Variants in CHRNA4 observed in about 807,000 individuals in gnomAD.
The protein encoded by CHRNA4 is neuronal acetylcholine receptor subunit alpha-4.
Under a neutral mutation model 48.9 loss-of-function variants are expected in CHRNA4, and 28 were observed. The observed-to-expected ratio is 0.57, with a 90% CI of 0.42 to 0.79. CHRNA4 has a LOEUF of 0.79. Among genes scored for constraint, CHRNA4 ranks in the 30% least tolerant of loss-of-function variants. The pLI, the probability that CHRNA4 is intolerant of heterozygous loss-of-function variation, is 0.00. For missense variants in CHRNA4, 859 were observed against 898.4 expected, an observed-to-expected ratio of 0.96 and a Z score of 0.56; for synonymous variants, 425 against 402.3, an observed-to-expected ratio of 1.06 and a Z score of -0.68.
At chr20:63,351,186 TCCCACGCCCACATCCACA>T (rs1193993901) in intron 4 of CHRNA4, 159 bp from the exon 5 acceptor site, 2 of 475,420 alleles carry the variant, frequency 4.2e-6, no homozygotes, top group Middle Eastern at 5.9e-4. Flanking sequence ...CACATCCATG[TCCCACGCCCACATCCACA>T]CCCACGTCCA....
Position 63,351,039 on chromosome 20 carries a change from G to C in CHRNA4, c.384-12C>G. The C allele has an allele frequency of 1.2e-5, 19 of 1,609,928 alleles. No individual in the cohort carries two copies. Among genetic ancestry groups the C allele is most frequent in the Non-Finnish European group, 1.6e-5 (19 of 1,179,078 alleles). On this transcript the variant is annotated splice_polypyrimidine_tract_variant and intron_variant, in intron 4 of 5. Transcript: ENST00000370263. ...AGTCCCCGTCAGCACTGGGCAGGAA[G>C]AGAGCGAAGGGTGTGAGACCCCCAC...
chr20:63,350,187 G>T lies in CHRNA4; in HGVS notation c.1224C>A (p.Phe408Leu). 2 of 1,595,788 alleles carry T rather than the reference G, an allele frequency of 1.3e-6. No individual in the cohort carries two copies. Among genetic ancestry groups the T allele is most frequent in the Non-Finnish European group, 8.5e-7 (1 of 1,169,918 alleles). Residue 408 changes from phenylalanine (F) to leucine (L), a missense_variant, in exon 5 of 6, where the codon TTC becomes TTA. By Grantham distance (22) the Phe-to-Leu change is conservative. Transcript: ENST00000370263. The part of the protein sequence containing the change: ...TQSLHPPSPS[F>L]CVPLDVPAEP... Reference sequence around the variant, plus strand: ...CAGCCGGCACATCCAGGGGGACACAGAAGGACGGTGAGGGCGGGTGCAGGC... The same window carrying T: ...CAGCCGGCACATCCAGGGGGACACATAAGGACGGTGAGGGCGGGTGCAGGC...
intron 1 of CHRNA4, among the ~76,000 whole-genome samples, chr20:63,360,587 G>A (rs1253500085): frequency 1.1e-4 from 16 of 152,246 alleles, no homozygotes; most frequent in Non-Finnish European, 1.5e-5. Flanking sequence ...CGGGGAGGGG[G>A]AGGGGTCAGT....
intron 1 of CHRNA4, chr20:63,359,912 T>TGCC (rs1473094463): frequency 2.3e-5 from 12 of 518,942 alleles, no homozygotes; most frequent in Middle Eastern, 5.2e-4. Flanking sequence ...TGTGTGTGTG[T>TGCC]GTGTGTGTGT....
rs190225870 is a variant in CHRNA4, at chr20:63,357,632, G to A, written c.229-1217C>T. On this transcript the variant is annotated intron_variant, in intron 2 of 5. Coordinates refer to ENST00000370263, the MANE Select transcript of CHRNA4 (RefSeq NM_000744.7). The stretch of plus-strand genomic sequence containing the variant: ...TAACAAGTATCCGAGCCCGCAAAGG[G>A]GGCACAGGTGAATCCCCAGCCCCTG... 2.8e-5 allele frequency among the ~76,000 whole-genome samples: 4 copies of A among 144,572 alleles called. No individual in the cohort carries two copies. In the East Asian group the frequency reaches 8.4e-4, roughly 30 times the overall value. The allele number at this position is 144,572 out of a possible 152,430, so 94.8% of individuals were successfully genotyped here.
rs2068560302 is a variant in CHRNA4 at position 63,349,993 on chromosome 20, C to T, written c.1418G>A (p.Ser473Asn). 6.5e-7 allele frequency: 1 copy of T among 1,549,878 alleles called. No individual in the cohort carries two copies. Among genetic ancestry groups the T allele is most frequent in the Non-Finnish European group, 8.7e-7 (1 of 1,146,816 alleles). ...GCCGCCTTCCACCGCTTCGCCAGGG[C>T]TGGACATGTGCTGGACGCTGAGGGA... ...ARSLSVQHMS[S>N]PGEAVEGGVR... Residue 473 changes from serine (S) to asparagine (N), a missense_variant, in exon 5 of 6, where the codon AGC becomes AAC. Coordinates refer to ENST00000370263, the MANE Select transcript of CHRNA4 (RefSeq NM_000744.7).
In CHRNA4 at chr20:63,345,937, T is replaced by A. The variant is rs2068485872; in HGVS notation, c.*801A>T. ...AGGCCCCCGTGGAGCCCTGGCCACC[T>A]GCCAGAGCCCTGGCCCTACGCCTGG... On this transcript the variant is annotated 3_prime_UTR_variant, in exon 6 of 6. Transcript: ENST00000370263. This position sits in a 1 kb window ranked among gnomAD's most constrained non-coding sequence, Gnocchi z 5.4. 1 of 453,804 alleles carries A rather than the reference T, an allele frequency of 2.2e-6. No homozygotes were observed. The allele number at this position is 453,804 out of a possible 1,614,324, so 28.1% of individuals were successfully genotyped here. A position where few individuals can be genotyped will look rare whatever the true frequency, so the allele number is the denominator to read the frequency against.
At chr20:63,351,088 C>G in intron 4 of CHRNA4, 61 bp from the exon 5 acceptor site, 1 of 1,546,472 alleles carries the variant, frequency 6.5e-7, no homozygotes, top group South Asian at 1.2e-5. Context: ...TCCACACCCA[C>G]GCCCACTGCC....
Position 63,361,113 on chromosome 20 carries a change from A to AGCAGCAGCAGCG in CHRNA4, c.41_52dup (p.Pro14_Leu17dup). 6.8e-7 allele frequency: 1 copy of AGCAGCAGCAGCG among 1,476,980 alleles called. No individual in the cohort carries two copies. The highest frequency in any genetic ancestry group is 1.3e-5 in the South Asian group (1 of 78,002). 91.5% of individuals were successfully genotyped at this position (1,476,980 alleles called of 1,614,324 possible). On this transcript the variant is annotated inframe_insertion, in exon 1 of 6. Transcript: ENST00000370263. ...ACCGCGCAGGAGGCCGGTCCCCAGAAGCAGCAGCAGCGGCGGCAGCAGCCG... is the reference window on the plus strand; with the variant it reads ...ACCGCGCAGGAGGCCGGTCCCCAGAAGCAGCAGCAGCGGCAGCAGCAGCGGCGGCAGCAGCCG...
At chr20:63,355,159 A>G (rs779948942) in intron 4 of CHRNA4, among the ~76,000 whole-genome samples, 2 of 152,168 alleles carry the variant, frequency 1.3e-5, no homozygotes, top group South Asian at 4.1e-4. Context: ...GTGGCCAGAG[A>G]TCATCCCTGG....
intron 5 of CHRNA4, among the ~76,000 whole-genome samples, chr20:63,348,603 T>G (rs903651220): frequency 2.0e-5 from 3 of 152,202 alleles, no homozygotes; most frequent in African/African-American, 4.8e-5. Flanking sequence ...GGTGGCCCAC[T>G]GAGGGCACCA....
chr20:63,360,962 G>C (rs2068809839), intron 1 of CHRNA4, 128 bp downstream of exon 1: 1 of 755,388 alleles, frequency 1.3e-6, no homozygotes, highest in African/African-American at 1.8e-5. Flanking sequence ...GGGGAGCCTC[G>C]CGGTCGCCCA....
At chr20:63,349,083 C>T (rs1407778153) in intron 5 of CHRNA4, among the ~76,000 whole-genome samples, 2 of 152,254 alleles carry the variant, frequency 1.3e-5, no homozygotes, top group African/African-American at 4.8e-5. Flanking sequence ...CCTGGCTCTC[C>T]CACCTGTCCC....
intron 1 of CHRNA4, chr20:63,359,911 G>GTGTGTGCCGGGCGTGCGC (rs1568820199): frequency 3.9e-6 from 2 of 518,624 alleles, no homozygotes; most frequent in South Asian, 2.1e-5. Flanking sequence ...GTGTGTGTGT[G>GTGTGTGCCGGGCGTGCGC]TGTGTGTGTG....
intron 2 of CHRNA4, among the ~76,000 whole-genome samples, chr20:63,358,931 G>C (rs2068758682): frequency 1.6e-5 from 1 of 60,736 alleles, no homozygotes; most frequent in African/African-American, 7.2e-5. Flanking sequence ...CAGCCTCGAA[G>C]CCTCCTGGTT....
intron 5 of CHRNA4, among the ~76,000 whole-genome samples, chr20:63,347,184 G>T (rs113571723): frequency 6.6e-6 from 1 of 152,226 alleles, no homozygotes; most frequent in African/African-American, 2.4e-5. Flanking sequence ...CTCAGCAGGC[G>T]GCCTGTGCTC....
chr20:63,355,839 G>T, intron 4 of CHRNA4, 136 bp downstream of exon 4: 1 of 1,215,874 alleles, frequency 8.2e-7, no homozygotes, highest in Non-Finnish European at 1.2e-6. Context: ...GCCTGGGCTG[G>T]CATGCATGGG....
intron 2 of CHRNA4, among the ~76,000 whole-genome samples, chr20:63,356,935 C>A (rs1454654596): frequency 6.6e-6 from 1 of 152,108 alleles, no homozygotes; most frequent in Admixed American, 6.5e-5. Context: ...TCACCCCAGC[C>A]CCTTCCGACC....
At chr20:63,347,059 G>A (rs538150310) in intron 5 of CHRNA4, 196 bp from the exon 6 acceptor site, 119 of 735,362 alleles carry the variant, frequency 1.6e-4, no homozygotes, top group African/African-American at 9.0e-4. Context: ...AGTGCTCTGC[G>A]GGGGGCATCA....
Sources: allele counts gnomAD v4.1 joint callset (sites outside exome capture counted in the v4.1 genomes callset), GRCh38; gene constraint gnomAD v4.1.1; non-coding constraint Gnocchi (gnomAD v3.1); transcripts MANE v1.5; gene names NCBI Gene and HGNC (gene_info 2026-07-23, HGNC 2026-07-21).